Variants in DDX46 observed in about 807,000 individuals in gnomAD.
The protein encoded by DDX46 is probable ATP-dependent RNA helicase DDX46.
In DDX46, 30 loss-of-function variants were observed where a neutral mutation model predicts 134.9. The ratio of observed to expected loss-of-function variants is 0.22; its 90% CI spans 0.17 to 0.30. DDX46 has a LOEUF of 0.30. Ranked by LOEUF, DDX46 falls within the 10% of genes least tolerant of loss-of-function variation. The probability of loss-of-function intolerance (pLI) is 1.00; values close to 1 mark genes in which losing one functional copy is unlikely to be tolerated. For missense variants in DDX46, 622 were observed against 1,248.7 expected (o/e 0.50, Z 7.56); for synonymous variants, 415 against 404.1 (o/e 1.03, Z -0.32).
chr5:134,760,804 A>T (rs1454754304), intron 1 of DDX46, among the ~76,000 whole-genome samples: 1 of 151,868 alleles, frequency 6.6e-6, no homozygotes, highest in South Asian at 2.1e-4. Context: ...ATCTCGGCTC[A>T]CTGCAAGCTC....
chr5:134,769,880 C>T (rs1753705969), intron 3 of DDX46, among the ~76,000 whole-genome samples: 1 of 152,106 alleles, frequency 6.6e-6, no homozygotes, highest in Non-Finnish European at 1.5e-5. Flanking sequence ...CCAGGATGGT[C>T]TCGATCTCCT....
chr5:134,796,570 A>G (rs1754658109), intron 15 of DDX46, among the ~76,000 whole-genome samples: 1 of 152,220 alleles, frequency 6.6e-6, no homozygotes, highest in Non-Finnish European at 1.5e-5. Flanking sequence ...CACAAAACAC[A>G]GACCGGGCAT....
chr5:134,770,770 C>T (rs1753737924), intron 3 of DDX46, 133 bp from the exon 4 acceptor site: 1 of 661,466 alleles, frequency 1.5e-6, no homozygotes, highest in South Asian at 2.2e-5. Flanking sequence ...TGAGATCGCA[C>T]CATTTCACTC....
intron 14 of DDX46, among the ~76,000 whole-genome samples, chr5:134,795,775 A>T (rs1239721760): frequency 6.6e-6 from 1 of 152,182 alleles, no homozygotes; most frequent in Non-Finnish European, 1.5e-5. Context: ...AGCCAGAGAG[A>T]ACAGATGATC....
At chr5:134,776,806 A>G (rs1169492104) in intron 5 of DDX46, among the ~76,000 whole-genome samples, 3 of 151,184 alleles carry the variant, frequency 2.0e-5, no homozygotes, top group Admixed American at 1.3e-4. Context: ...CCAGCTACTC[A>G]GGAGGCTGAG....
At chr5:134,766,343 C>A (rs1044110455) in intron 2 of DDX46, among the ~76,000 whole-genome samples, 1 of 151,216 alleles carries the variant, frequency 6.6e-6, no homozygotes, top group African/African-American at 2.4e-5. Context: ...AGATCACCTG[C>A]GGTTGGGAGT....
chr5:134,797,979 AT>A (rs1293647157), intron 15 of DDX46, among the ~76,000 whole-genome samples: 1 of 151,678 alleles, frequency 6.6e-6, no homozygotes, highest in Non-Finnish European at 1.5e-5. Context: ...TGCCTGGCTA[AT>A]TTTGTATTTT....
chr5:134,816,844 G>A, intron 19 of DDX46: 4 of 473,160 alleles, frequency 8.5e-6, no homozygotes, highest in South Asian at 2.5e-5. Context: ...TAGTTTTATA[G>A]GGTAGTATTC....
chr5:134,786,038 G>A (rs1013110190), intron 11 of DDX46, among the ~76,000 whole-genome samples: 2 of 151,890 alleles, frequency 1.3e-5, no homozygotes, highest in Non-Finnish European at 2.9e-5. Context: ...TAGTAGAGAC[G>A]GGGTTTCACC....
At chr5:134,817,402 AAGTT>A in intron 19 of DDX46, 90 bp from the exon 20 acceptor site, 4 of 1,244,448 alleles carry the variant, frequency 3.2e-6, no homozygotes, top group Non-Finnish European at 4.4e-6. Context: ...CTTGCATACA[AAGTT>A]AGTAGCTTTT....
chr5:134,809,121 T>C (rs1323950373), intron 16 of DDX46, among the ~76,000 whole-genome samples: 3 of 152,208 alleles, frequency 2.0e-5, no homozygotes, highest in African/African-American at 7.2e-5. Context: ...TAATAAGTAG[T>C]AATGGCATTT....
intron 15 of DDX46, chr5:134,805,138 G>A (rs1457134721): frequency 1.0e-5 from 2 of 197,972 alleles, no homozygotes; most frequent in African/African-American, 4.7e-5. Flanking sequence ...ACCATTCTGA[G>A]TGCCTCTAGA....
intron 15 of DDX46, among the ~76,000 whole-genome samples, chr5:134,801,020 A>G (rs535552007): frequency 6.6e-6 from 1 of 152,070 alleles, no homozygotes; most frequent in African/African-American, 2.4e-5. Flanking sequence ...GCAGTGACTC[A>G]TGCCTGTAAT....
chr5:134,827,078 A>G, intron 22 of DDX46, 58 bp downstream of exon 22: 1 of 1,500,314 alleles, frequency 6.7e-7, no homozygotes, highest in Non-Finnish European at 9.1e-7. Flanking sequence ...TTATTGAAAT[A>G]TAAATACAGA....
At chr5:134,765,107 C>A (rs1488436490) in intron 2 of DDX46, among the ~76,000 whole-genome samples, 4 of 147,664 alleles carry the variant, frequency 2.7e-5, no homozygotes, top group Non-Finnish European at 5.9e-5. Flanking sequence ...CTCACTCTGT[C>A]ACCCAGGCTG....
intron 1 of DDX46, among the ~76,000 whole-genome samples, chr5:134,760,039 G>C (rs1228787484): frequency 1.3e-5 from 2 of 152,122 alleles, no homozygotes; most frequent in African/African-American, 4.8e-5. Context: ...TACTACATCT[G>C]TTTTAAATTG....
At chr5:134,802,096 G>T (rs1369908479) in intron 15 of DDX46, among the ~76,000 whole-genome samples, 1 of 149,440 alleles carries the variant, frequency 6.7e-6, no homozygotes, top group Admixed American at 6.7e-5. Context: ...TCTCACTGAT[G>T]CTTTGTTCAG....
chr5:134,804,866 G>T, intron 15 of DDX46: 1 of 394,254 alleles, frequency 2.5e-6, no homozygotes, highest in South Asian at 2.2e-5. Context: ...ATCCTGTCAT[G>T]ATCACATTTA....
At chr5:134,821,081 A>T (rs1168927584) in intron 21 of DDX46, among the ~76,000 whole-genome samples, 1 of 147,998 alleles carries the variant, frequency 6.8e-6, no homozygotes, top group Non-Finnish European at 1.5e-5. Flanking sequence ...TCTGTTGCCC[A>T]GGCTAGAGTG....
Sources: gnomAD v4.1 joint callset for allele counts (sites outside exome capture counted in the v4.1 genomes callset) on GRCh38, gnomAD v4.1.1 for gene constraint, MANE v1.5 for transcripts, NCBI Gene and HGNC (gene_info 2026-07-23, HGNC 2026-07-21) for gene names.